PRKG1: variants seen among roughly 807,000 people sequenced by gnomAD.
The protein encoded by PRKG1 is cGMP-dependent protein kinase 1.
A neutral mutation model predicts 88.1 loss-of-function variants in PRKG1; 35 were observed. That is an observed-to-expected ratio of 0.40 (90% confidence interval 0.30 to 0.53). PRKG1 has a LOEUF of 0.53. Ranked by LOEUF, PRKG1 falls within the 20% of genes least tolerant of loss-of-function variation. The pLI, the probability that PRKG1 is intolerant of heterozygous loss-of-function variation, is 0.59. For synonymous variants in PRKG1, 303 were observed against 292.5 expected, an observed-to-expected ratio of 1.04 and a Z score of -0.37; for missense variants, 540 against 839.8, an observed-to-expected ratio of 0.64 and a Z score of 4.41.
chr10:52,288,947 A>G lies in PRKG1; in HGVS notation c.1849A>G (p.Arg617Gly). The change falls in exon 16 of 18, where the codon AGA (arginine) becomes GGA (glycine). Residue 617 changes from arginine to glycine, a missense_variant. By Grantham distance (125) the Arg-to-Gly change is moderately radical. Coordinates refer to ENST00000373980, the MANE Select transcript of PRKG1 (RefSeq NM_006258.4). Reference sequence around the variant, plus strand: ...TATTTTTAGGGACAATCCATCAGAAAGATTAGGGAATTTGAAAAATGGAGT... The same window carrying G: ...TATTTTTAGGGACAATCCATCAGAAGGATTAGGGAATTTGAAAAATGGAGT... ...KKLCRDNPSE[R>G]LGNLKNGVKD... 1 of 1,608,654 alleles carries G rather than the reference A, an allele frequency of 6.2e-7. No individual in the cohort carries two copies. Among genetic ancestry groups the G allele is most frequent in the Non-Finnish European group, 8.5e-7 (1 of 1,176,792 alleles).
chr10:51,640,581 A>AT (rs1839774147), intron 3 of PRKG1, among the ~76,000 whole-genome samples: 1 of 152,118 alleles, frequency 6.6e-6, no homozygotes, highest in Admixed American at 6.5e-5. Flanking sequence ...GCTGTGAATT[A>AT]TTTTTTCTTG....
At chr10:51,763,835 G>C (rs57569765) in intron 3 of PRKG1, among the ~76,000 whole-genome samples, 3,275 of 152,274 alleles carry the variant, frequency 0.022, 119 homozygotes, top group African/African-American at 0.074. Context: ...GTGGTGGGAA[G>C]TCTCTGCAGA....
At chr10:51,132,220 T>A (rs929464331) in intron 1 of PRKG1, among the ~76,000 whole-genome samples, 4 of 152,154 alleles carry the variant, frequency 2.6e-5, no homozygotes, top group African/African-American at 9.7e-5. Context: ...TTTTAGTTCT[T>A]CTGGGTTTGG....
intron 2 of PRKG1, among the ~76,000 whole-genome samples, chr10:51,378,683 C>A (rs1842862565): frequency 6.6e-6 from 1 of 152,060 alleles, no homozygotes; most frequent in Non-Finnish European, 1.5e-5. Flanking sequence ...ATCCAATAGA[C>A]CTGAGTTTCA....
chr10:51,062,236 G>C (rs1191527923), intron 1 of PRKG1, among the ~76,000 whole-genome samples: 2 of 152,168 alleles, frequency 1.3e-5, no homozygotes, highest in Non-Finnish European at 2.9e-5. Flanking sequence ...GAATTCAACT[G>C]GTTGGGCCTG....
chr10:51,806,862 T>G (rs150634558), intron 4 of PRKG1, among the ~76,000 whole-genome samples: 73 of 152,230 alleles, frequency 4.8e-4, no homozygotes, highest in African/African-American at 1.6e-3. Context: ...TCCCTGTGCT[T>G]TTTCACAGCA....
chr10:52,258,566 G>T (rs910863539), intron 10 of PRKG1, among the ~76,000 whole-genome samples: 1 of 151,924 alleles, frequency 6.6e-6, no homozygotes, highest in African/African-American at 2.4e-5. Flanking sequence ...CATTGAAAGA[G>T]CTGTTGTTAT....
intron 9 of PRKG1, among the ~76,000 whole-genome samples, chr10:52,194,702 A>G (rs1010462737): frequency 1.3e-5 from 2 of 152,172 alleles, no homozygotes; most frequent in African/African-American, 2.4e-5. Context: ...CAATTTAGCT[A>G]TCAATGCTAA....
intron 9 of PRKG1, among the ~76,000 whole-genome samples, chr10:52,224,426 CTTTA>C (rs557360242): frequency 6.9e-4 from 105 of 151,992 alleles, no homozygotes; most frequent in African/African-American, 2.3e-3. Flanking sequence ...CCCTAGTACC[CTTTA>C]TTTGTTTAAT....
intron 9 of PRKG1, among the ~76,000 whole-genome samples, chr10:52,176,789 C>T (rs927364029): frequency 4.0e-5 from 6 of 151,766 alleles, no homozygotes; most frequent in African/African-American, 1.5e-4. Context: ...AATAGAATTG[C>T]CTTCTTTATT....
chr10:51,381,655 T>G (rs1474518410), intron 2 of PRKG1, among the ~76,000 whole-genome samples: 1 of 152,170 alleles, frequency 6.6e-6, no homozygotes, highest in Non-Finnish European at 1.5e-5. Context: ...GTCATTAAAA[T>G]GGAAAAGAAC....
intron 3 of PRKG1, among the ~76,000 whole-genome samples, chr10:51,567,689 C>T (rs556515484): frequency 6.6e-6 from 1 of 152,126 alleles, no homozygotes; most frequent in South Asian, 2.1e-4. Flanking sequence ...TGGGTTCAAA[C>T]AATTATTGTG....
At chr10:52,086,825 A>G (rs1429888346) in intron 7 of PRKG1, among the ~76,000 whole-genome samples, 1 of 152,198 alleles carries the variant, frequency 6.6e-6, no homozygotes, top group East Asian at 1.9e-4. Context: ...AAAGATGTTT[A>G]ATTGACTCGC....
At chr10:52,114,915 G>A (rs1005172214) in intron 7 of PRKG1, among the ~76,000 whole-genome samples, 17 of 152,068 alleles carry the variant, frequency 1.1e-4, no homozygotes, top group African/African-American at 4.1e-4. Flanking sequence ...GATGCAGTTG[G>A]TAGTGCAGGA....
intron 4 of PRKG1, among the ~76,000 whole-genome samples, chr10:51,845,205 A>G (rs1351871598): frequency 6.6e-6 from 1 of 152,004 alleles, no homozygotes; most frequent in Non-Finnish European, 1.5e-5. Flanking sequence ...TCCAACTTTC[A>G]TATTTTTTTA....
chr10:51,549,581 T>C (rs1486515999), intron 3 of PRKG1, among the ~76,000 whole-genome samples: 1 of 152,156 alleles, frequency 6.6e-6, no homozygotes, highest in African/African-American at 2.4e-5. Flanking sequence ...AATGTCCTTA[T>C]ACTAGACAGC....
intron 9 of PRKG1, among the ~76,000 whole-genome samples, chr10:52,164,687 T>C (rs891204043): frequency 3.9e-5 from 6 of 152,304 alleles, no homozygotes; most frequent in South Asian, 4.1e-4. Flanking sequence ...GTTTCAAATA[T>C]TGCTATTTGA....
Position 50,991,707 on chromosome 10 carries a change from C to G in PRKG1, c.266+63C>G, listed in dbSNP as rs1842784678. Reference sequence around the variant, plus strand: ...GCCCGCGGCGCAGAGGCTGGGGGCTCTGGCCGCGGCGGCGGGGGCGGGTCG... The same window carrying G: ...GCCCGCGGCGCAGAGGCTGGGGGCTGTGGCCGCGGCGGCGGGGGCGGGTCG... On this transcript the variant is annotated intron_variant, in intron 1 of 17. Coordinates refer to the PRKG1 transcript ENST00000401604. The surrounding 1 kb of genome is among the most constrained non-coding windows in gnomAD (Gnocchi z 4.5). 1.7e-6 allele frequency: 2 copies of G among 1,156,792 alleles called. No homozygotes were observed. The highest frequency in any genetic ancestry group is 3.7e-4 in the Middle Eastern group (1 of 2,718). The allele number at this position is 1,156,792 out of a possible 1,614,324, so 71.7% of individuals were successfully genotyped here. A position where few individuals can be genotyped will look rare whatever the true frequency, so the allele number is the denominator to read the frequency against.
At chr10:51,279,438 C>A (rs1840228712) in intron 2 of PRKG1, among the ~76,000 whole-genome samples, 1 of 151,676 alleles carries the variant, frequency 6.6e-6, no homozygotes, top group Admixed American at 6.6e-5. Context: ...TCCTTGTTAA[C>A]TTTCTGTCTT....
Sources: gnomAD v4.1 joint callset for allele counts (sites outside exome capture counted in the v4.1 genomes callset) on GRCh38, gnomAD v4.1.1 for gene constraint, Gnocchi (gnomAD v3.1) non-coding constraint, MANE v1.5 for transcripts, NCBI Gene and HGNC (gene_info 2026-07-23, HGNC 2026-07-21) for gene names.